The following NEK1 variants were observed in gnomAD, a reference collection of about 807,000 sequenced individuals.
NEK1 encodes NIMA related kinase 1, also known as serine/threonine-protein kinase Nek1.
A neutral mutation model predicts 182.1 loss-of-function variants in NEK1; 137 were observed. That is an observed-to-expected ratio of 0.75 (90% CI 0.65 to 0.87). NEK1 has a LOEUF of 0.87. Ranked by LOEUF, NEK1 falls within the 40% of genes least tolerant of loss-of-function variation. NEK1 has a pLI of 0.00. For synonymous variants in NEK1, 513 were observed against 492.2 expected, an observed-to-expected ratio of 1.04 and a Z score of -0.56; for missense variants, 1,391 against 1,494.4, an observed-to-expected ratio of 0.93 and a Z score of 1.14.
At position 169,438,179 on chromosome 4, in the gene NEK1, G is replaced by C; in HGVS notation, c.2668C>G (p.Pro890Ala). The C allele has an allele frequency of 6.2e-7, 1 of 1,601,652 alleles. No individual in the cohort carries two copies. Among genetic ancestry groups the C allele is most frequent in the African/African-American group, 1.3e-5 (1 of 74,892 alleles). The part of the protein sequence containing the change: ...KVQCISHEIN[P>A]SAIVDSPVET... ...ACAGGAGAATCAACAATAGCTGATG[G>C]GTTTATTTCATGTGAAATACATTGT... The change falls in exon 28 of 36, where the codon CCA becomes GCA. Residue 890 changes from proline (P) to alanine (A), a missense_variant. By Grantham distance (27) the Pro-to-Ala change is conservative. Around this residue, in one of 5 missense-constraint regions of NEK1, gnomAD observed 1,216 missense variants for 1,277.6 expected, o/e 0.95. Transcript: ENST00000507142.
At chr4:169,545,461 T>G (rs1439128040) in intron 18 of NEK1, among the ~76,000 whole-genome samples, 4 of 150,610 alleles carry the variant, frequency 2.7e-5, no homozygotes, top group South Asian at 2.1e-4. Context: ...TGTTGGACAT[T>G]TGGGTTGGTT....
At chr4:169,577,344 T>G (rs190799825) in intron 11 of NEK1, among the ~76,000 whole-genome samples, 6 of 152,020 alleles carry the variant, frequency 3.9e-5, no homozygotes, top group Admixed American at 3.9e-4. Context: ...TGAAATTGAC[T>G]GTGAGTGATG....
At position 169,424,612 on chromosome 4, in the gene NEK1, T is replaced by C. The variant is rs768418367; in HGVS notation, c.3163A>G (p.Asn1055Asp). The C allele has an allele frequency of 1.2e-6, 2 of 1,612,784 alleles. No individual in the cohort carries two copies. The highest frequency in any genetic ancestry group is 2.7e-5 in the African/African-American group (2 of 74,928). Residue 1055 changes from asparagine to aspartate, a missense_variant, in exon 31 of 36, where the codon AAC becomes GAC. Transcript: ENST00000507142. ...SHSHLPPKNK[N>D]KNSLLIGLST... ...AGTCCAATCAGCAAGGAATTCTTGT[T>C]TTTATTTTTTGGTGGTAAATGCGAG...
At position 169,401,648 on chromosome 4, in the gene NEK1, G is replaced by A. The variant is rs1413402942; in HGVS notation, c.3583+4C>T. On this transcript the variant is annotated splice_donor_region_variant and intron_variant, in intron 33 of 35. Transcript: ENST00000507142. ...GAAAAAGGTCCAAAACTCTGATCAT[G>A]CACCTGAGTGCCATTCTTCGTTCAG... 7 of 1,611,010 alleles carry A rather than the reference G, an allele frequency of 4.3e-6. No homozygotes were observed. The highest frequency in any genetic ancestry group is 1.1e-5 in the South Asian group (1 of 90,772).
chr4:169,400,730 C>A (rs953055271), intron 33 of NEK1, 79 bp from the exon 34 acceptor site: 2 of 995,270 alleles, frequency 2.0e-6, no homozygotes, highest in Non-Finnish European at 2.8e-6. Context: ...AATTCTATGA[C>A]AAATGAATAA....
intron 32 of NEK1, among the ~76,000 whole-genome samples, chr4:169,405,504 A>T (rs1213238664): frequency 6.6e-6 from 1 of 152,166 alleles, no homozygotes; most frequent in Admixed American, 6.5e-5. Flanking sequence ...TGCAATAATA[A>T]ATTAACTTGG....
intron 2 of NEK1, among the ~76,000 whole-genome samples, chr4:169,605,900 T>C (rs904593820): frequency 2.6e-5 from 4 of 152,160 alleles, no homozygotes; most frequent in African/African-American, 9.7e-5. Flanking sequence ...CAAAGAGTTA[T>C]GTCACCTAAT....
At chr4:169,530,602 A>G (rs1457206689) in intron 19 of NEK1, among the ~76,000 whole-genome samples, 2 of 151,974 alleles carry the variant, frequency 1.3e-5, no homozygotes, top group Non-Finnish European at 2.9e-5. Flanking sequence ...AATTTACAAT[A>G]GTTTATCAAA....
intron 21 of NEK1, 48 bp from the exon 22 acceptor site, chr4:169,507,840 T>C: frequency 1.5e-6 from 2 of 1,327,676 alleles, no homozygotes; most frequent in Non-Finnish European, 1.1e-6. Context: ...AATCATCAAA[T>C]TGAGTGCAGA....
Position 169,561,817 on chromosome 4 carries a change from A to G in NEK1, c.1140+15T>C, listed in dbSNP as rs1762952271. The G allele has an allele frequency of 1.2e-6, 2 of 1,608,962 alleles. No homozygotes were observed. Among genetic ancestry groups the G allele is most frequent in the African/African-American group, 2.7e-5 (2 of 74,730 alleles). On this transcript the variant is annotated intron_variant, in intron 14 of 35. Transcript: ENST00000507142. ...ACAACTTGCCAAAGGTAGAAAAACAAGAGCAAAAAACTACCTGATCCTTTT... is the reference window on the plus strand; with the variant it reads ...ACAACTTGCCAAAGGTAGAAAAACAGGAGCAAAAAACTACCTGATCCTTTT...
intron 9 of NEK1, among the ~76,000 whole-genome samples, chr4:169,585,974 G>A (rs375908779): frequency 6.6e-6 from 1 of 151,982 alleles, no homozygotes; most frequent in Non-Finnish European, 1.5e-5. Context: ...TAAAAGTATT[G>A]GGGGAAAATA....
chr4:169,546,146 C>T (rs576592170), intron 18 of NEK1, among the ~76,000 whole-genome samples: 92 of 152,336 alleles, frequency 6.0e-4, no homozygotes, highest in African/African-American at 2.1e-3. Flanking sequence ...CCTCTACACA[C>T]TGCTTTAAAT....
At chr4:169,525,411 T>C (rs989318661) in intron 19 of NEK1, among the ~76,000 whole-genome samples, 2 of 152,180 alleles carry the variant, frequency 1.3e-5, no homozygotes, top group African/African-American at 4.8e-5. Flanking sequence ...ATTACAGGCA[T>C]GAGCCACTGC....
At chr4:169,487,286 G>A (rs1289542953) in intron 23 of NEK1, among the ~76,000 whole-genome samples, 5 of 152,070 alleles carry the variant, frequency 3.3e-5, no homozygotes, top group Admixed American at 1.3e-4. Flanking sequence ...GCCAGCATCC[G>A]TTAGCTATTC....
chr4:169,594,376 T>C (rs1329898265), intron 5 of NEK1, among the ~76,000 whole-genome samples: 1 of 152,220 alleles, frequency 6.6e-6, no homozygotes, highest in African/African-American at 2.4e-5. Context: ...CCAAACATTA[T>C]ACTAATGGAA....
At chr4:169,553,645 A>G (rs1031614771) in intron 18 of NEK1, among the ~76,000 whole-genome samples, 3 of 152,232 alleles carry the variant, frequency 2.0e-5, no homozygotes, top group African/African-American at 4.8e-5. Flanking sequence ...TATACAAAGA[A>G]CTTTTAAAAC....
At chr4:169,606,964 A>C (rs1381243030) in intron 2 of NEK1, among the ~76,000 whole-genome samples, 1 of 152,222 alleles carries the variant, frequency 6.6e-6, no homozygotes, top group East Asian at 1.9e-4. Context: ...CTCAAGTATA[A>C]AGCAGCAGTC....
At chr4:169,560,646 C>T (rs1257018008) in intron 16 of NEK1, among the ~76,000 whole-genome samples, 1 of 151,758 alleles carries the variant, frequency 6.6e-6, no homozygotes, top group Non-Finnish European at 1.5e-5. Context: ...CTACCAACTA[C>T]AAATAGAGAT....
intron 15 of NEK1, 30 bp from the exon 16 acceptor site, chr4:169,561,584 ATTTCAAG>A: frequency 6.2e-7 from 1 of 1,605,148 alleles, no homozygotes. Context: ...ACAAAACACC[ATTTCAAG>A]TATTTAATAT....
Sources: gnomAD v4.1 joint callset for allele counts (sites outside exome capture counted in the v4.1 genomes callset) on GRCh38, gnomAD v4.1.1 for gene constraint, gnomAD v4.1.1 regional missense constraint, MANE v1.5 for transcripts, NCBI Gene and HGNC (gene_info 2026-07-23, HGNC 2026-07-21) for gene names.